Variants in RGCC observed in about 807,000 individuals in gnomAD.
RGCC encodes the protein regulator of cell cycle, also known as regulator of cell cycle RGCC.
Under a neutral mutation model 15.4 loss-of-function variants are expected in RGCC, and 15 were observed. The ratio of observed to expected loss-of-function variants is 0.97; its 90% CI spans 0.65 to 1.50. The LOEUF (loss-of-function observed/expected upper bound fraction) is 1.50, where lower values mean the gene tolerates loss of function less well. Among genes scored for constraint, RGCC ranks in the 40% most tolerant of loss-of-function variants. The pLI is 0.00. For missense variants in RGCC, 176 were observed against 189.7 expected, an observed-to-expected ratio of 0.93 and a Z score of 0.42; for synonymous variants, 81 against 78.0, an observed-to-expected ratio of 1.04 and a Z score of -0.20.
chr13:41,467,501 T>C (rs1430054559), intron 3 of RGCC, among the ~76,000 whole-genome samples: 1 of 152,256 alleles, frequency 6.6e-6, no homozygotes, highest in African/African-American at 2.4e-5. Context: ...TTTTTGGAAC[T>C]GGTAAAATGT....
chr13:41,470,721 T>C lies in RGCC; in HGVS notation c.*236T>C, dbSNP rs1488924288. The C allele has an allele frequency of 2.3e-6, 1 of 442,860 alleles. No individual in the cohort carries two copies. Among genetic ancestry groups the C allele is most frequent in the African/African-American group, 2.0e-5 (1 of 50,402 alleles). 27.4% of individuals were successfully genotyped at this position (442,860 alleles called of 1,614,324 possible). ...GCAGCATATTAGAACAGACGATCCA[T>C]GCTAATATTGTATTTTCTCTTAAAA... On this transcript the variant is annotated 3_prime_UTR_variant, in exon 5 of 5. Transcript: ENST00000379359.
intron 2 of RGCC, among the ~76,000 whole-genome samples, chr13:41,460,285 G>A (rs1391793378): frequency 6.6e-6 from 1 of 152,164 alleles, no homozygotes; most frequent in Non-Finnish European, 1.5e-5. Flanking sequence ...AATTTCTTAA[G>A]GAAGCATAAT....
chr13:41,463,248 T>C (rs1192835823), intron 2 of RGCC, among the ~76,000 whole-genome samples: 2 of 152,060 alleles, frequency 1.3e-5, no homozygotes, highest in Non-Finnish European at 2.9e-5. Context: ...CCTTGAGGGC[T>C]CTCTTTTCAT....
rs542422104 is a variant in RGCC at position 41,470,689 on chromosome 13, C to T, written c.*204C>T. ...TAGACAGTGAAACTGACTTTGTTTA[C>T]CTGCTTGCAGCATATTAGAACAGAC... On this transcript the variant is annotated 3_prime_UTR_variant, in exon 5 of 5. Coordinates refer to ENST00000379359, the MANE Select transcript of RGCC (RefSeq NM_014059.3). 9 of 588,424 alleles carry T rather than the reference C, an allele frequency of 1.5e-5. No homozygotes were observed. The highest frequency in any genetic ancestry group is 1.5e-4 in the African/African-American group (8 of 53,924). The allele number at this position is 588,424 out of a possible 1,614,324, so 36.5% of individuals were successfully genotyped here. A position where few individuals can be genotyped will look rare whatever the true frequency, so the allele number is the denominator to read the frequency against.
chr13:41,466,163 ACT>A (rs201199654), intron 2 of RGCC, among the ~76,000 whole-genome samples: 4,823 of 136,330 alleles, frequency 0.035, 242 homozygotes, highest in African/African-American at 0.11. Context: ...ACACGCACAC[ACT>A]CTCACACACT....
Position 41,458,335 on chromosome 13 carries a change from G to T in RGCC, c.100G>T (p.Glu34Ter). The change falls in exon 2 of 5, where the codon GAG becomes TAG. Residue 34 changes from glutamate (E) to a stop codon, truncating the protein, a stop_gained. Transcript: ENST00000379359. LOFTEE classifies it high-confidence loss of function. The surrounding 1 kb of genome is among the most constrained non-coding windows in gnomAD (Gnocchi z 4.4). Reference protein sequence around the residue: ...AAEDLSDALCEFDAVLADFAS... With the variant: ...AAEDLSDALC ...GGAGGACCTGTCGGACGCGCTGTGC[G>T]AGTTTGACGCGGTGCTGGCCGACTT... The T allele has an allele frequency of 1.3e-6, 2 of 1,588,916 alleles. No individual in the cohort carries two copies. The highest frequency in any genetic ancestry group is 8.5e-7 in the Non-Finnish European group (1 of 1,174,134).
At chr13:41,468,909 T>C (rs2043860937) in intron 4 of RGCC, 71 bp downstream of exon 4, 1 of 1,186,072 alleles carries the variant, frequency 8.4e-7, no homozygotes, top group Non-Finnish European at 1.2e-6. Flanking sequence ...AGTGTTGTAA[T>C]GTTAACCAGC....
chr13:41,470,362 TG>T, intron 4 of RGCC, 115 bp from the exon 5 acceptor site: 1 of 1,031,992 alleles, frequency 9.7e-7, no homozygotes, highest in Non-Finnish European at 1.5e-6. Flanking sequence ...ACTCATCGTG[TG>T]GGAAGCCCAG....
chr13:41,468,614 A>G (rs2043859305), intron 3 of RGCC, among the ~76,000 whole-genome samples, 162 bp from the exon 4 acceptor site: 1 of 152,228 alleles, frequency 6.6e-6, no homozygotes, highest in African/African-American at 2.4e-5. Flanking sequence ...ACTCTTCAAT[A>G]AAAGTCTCTG....
chr13:41,468,419 T>G (rs2043858618), intron 3 of RGCC, among the ~76,000 whole-genome samples: 1 of 152,216 alleles, frequency 6.6e-6, no homozygotes, highest in Non-Finnish European at 1.5e-5. Flanking sequence ...CTCCTCACTC[T>G]CCTGCAAACA....
In RGCC at chr13:41,466,858, A is replaced by G. The variant is rs757575163; in HGVS notation, c.271A>G (p.Ser91Gly). The G allele has an allele frequency of 6.2e-7, 1 of 1,613,886 alleles. No individual in the cohort carries two copies. Among genetic ancestry groups the G allele is most frequent in the Non-Finnish European group, 8.5e-7 (1 of 1,179,794 alleles). The part of the protein sequence containing the change: ...DSLYRNSFSF[S>G]DEKLNSPTDS... ...ACTTTATAGGAACAGCTTCAGCTTC[A>G]GTGATGAAAAACTGAATTCTCCAAC... is the stretch of plus-strand genomic sequence containing the variant. The change falls in exon 3 of 5, where the codon AGT becomes GGT. Residue 91 changes from serine (S) to glycine (G), a missense_variant. Coordinates refer to ENST00000379359, the MANE Select transcript of RGCC (RefSeq NM_014059.3).
Position 41,470,464 on chromosome 13 carries a change from T to C in RGCC, c.407-14T>C. 6.2e-7 allele frequency: 1 copy of C among 1,613,308 alleles called. No homozygotes were observed. The highest frequency in any genetic ancestry group is 8.5e-7 in the Non-Finnish European group (1 of 1,179,322). ...GCCTCTGAGTGGATAACCTTACCTA[T>C]CTCTCATTTACAGGTATGTGAAACA... On this transcript the variant is annotated splice_polypyrimidine_tract_variant and intron_variant, in intron 4 of 4. Transcript: ENST00000379359.
intron 2 of RGCC, among the ~76,000 whole-genome samples, chr13:41,464,425 A>T (rs975230416): frequency 1.3e-5 from 2 of 152,058 alleles, no homozygotes; most frequent in Non-Finnish European, 2.9e-5. Flanking sequence ...TGTAGGGGAA[A>T]GGGCTTCCCT....
chr13:41,464,212 G>A (rs2043836750), intron 2 of RGCC: 1 of 152,368 alleles, frequency 6.6e-6, no homozygotes, highest in African/African-American at 2.4e-5. Flanking sequence ...AATGTGCCAA[G>A]GGCCTGGTAT....
In RGCC at chr13:41,459,844, C is replaced by T. The variant is rs577473083; in HGVS notation, c.235+1374C>T. Among the ~76,000 whole-genome samples the T allele has an allele frequency of 1.3e-4, 20 of 152,214 alleles. No individual in the cohort carries two copies. The South Asian group carries it at 2.7e-3, about 20-fold the overall frequency. ...AAGTTATTCATCAAATACAGATTCT[C>T]GCATGGAAAAGAAAGCTAGGATAGT... On this transcript the variant is annotated intron_variant, in intron 2 of 4. Coordinates refer to ENST00000379359, the MANE Select transcript of RGCC (RefSeq NM_014059.3).
chr13:41,466,278 CTT>C (rs1318556986), intron 2 of RGCC, among the ~76,000 whole-genome samples: 29 of 151,002 alleles, frequency 1.9e-4, no homozygotes, highest in Non-Finnish European at 3.4e-4. Flanking sequence ...CACACACACA[CTT>C]TCACACAAAC....
chr13:41,469,316 G>T (rs1194865138), intron 4 of RGCC, among the ~76,000 whole-genome samples: 40 of 150,898 alleles, frequency 2.7e-4, no homozygotes, highest in African/African-American at 6.6e-4. Flanking sequence ...AGAAGAAGAA[G>T]AAGAAGAAGA....
At chr13:41,461,595 C>T (rs367814318) in intron 2 of RGCC, among the ~76,000 whole-genome samples, 12 of 152,086 alleles carry the variant, frequency 7.9e-5, no homozygotes, top group East Asian at 3.8e-4. Flanking sequence ...TTTCCTTTGA[C>T]GGGGGAGTGT....
At chr13:41,465,410 C>T (rs1285523495) in intron 2 of RGCC, among the ~76,000 whole-genome samples, 1 of 152,214 alleles carries the variant, frequency 6.6e-6, no homozygotes, top group Admixed American at 6.5e-5. Context: ...TGAGTCACAG[C>T]CACACAGCTG....
Sources: gnomAD v4.1 joint callset for allele counts (sites outside exome capture counted in the v4.1 genomes callset) on GRCh38, gnomAD v4.1.1 for gene constraint, Gnocchi (gnomAD v3.1) non-coding constraint, MANE v1.5 for transcripts, NCBI Gene and HGNC (gene_info 2026-07-23, HGNC 2026-07-21) for gene names.